Variants in LAMA2 observed in about 807,000 individuals in gnomAD.
The protein encoded by LAMA2 is laminin subunit alpha-2.
LAMA2 carries 269 observed loss-of-function variants against 364.8 expected under a neutral mutation model. That is an observed-to-expected ratio of 0.74 (90% CI 0.67 to 0.82). The LOEUF is 0.82. Ranked by LOEUF, LAMA2 falls within the 40% of genes least tolerant of loss-of-function variation. LAMA2 has a pLI of 0.00. For missense variants in LAMA2, 3,807 were observed against 3,873.2 expected (o/e 0.98, Z 0.45); for synonymous variants, 1,379 against 1,370.6 (o/e 1.01, Z -0.14).
In LAMA2 at chr6:129,160,296, C is replaced by T. The variant is rs1583160448; in HGVS notation, c.1207-5280C>T. Among the ~76,000 whole-genome samples the T allele has an allele frequency of 2.0e-5, 3 of 152,006 alleles. No homozygotes were observed. The South Asian group carries it at 6.2e-4, about 32-fold the overall frequency. On this transcript the variant is annotated intron_variant, in intron 8 of 64. Transcript: ENST00000421865. ...GGTTAGATAGGTTTTGTATTAATAT[C>T]TTTAGGGAGGGTCAATTTTTGATAT...
intron 5 of LAMA2, among the ~76,000 whole-genome samples, chr6:129,146,132 TC>T (rs995839503): frequency 3.9e-5 from 6 of 151,952 alleles, no homozygotes; most frequent in African/African-American, 1.4e-4. Context: ...CAGATATGTG[TC>T]CACCTACATA....
intron 12 of LAMA2, among the ~76,000 whole-genome samples, chr6:129,207,420 GT>G (rs1406675296): frequency 2.6e-5 from 4 of 151,946 alleles, no homozygotes; most frequent in African/African-American, 9.7e-5. Context: ...AAAGATGCTT[GT>G]AATATCAAAA....
chr6:129,125,328 A>G (rs1386063200), intron 4 of LAMA2, among the ~76,000 whole-genome samples: 1 of 152,200 alleles, frequency 6.6e-6, no homozygotes, highest in Admixed American at 6.5e-5. Context: ...TGGAATTCAG[A>G]TGAGAAATGC....
At chr6:129,142,294 A>C (rs1778169371) in intron 4 of LAMA2, among the ~76,000 whole-genome samples, 1 of 151,988 alleles carries the variant, frequency 6.6e-6, no homozygotes, top group Non-Finnish European at 1.5e-5. Flanking sequence ...TGAAAATCTG[A>C]GATCAGGGTG....
At chr6:129,191,934 T>C (rs546123527) in intron 11 of LAMA2, among the ~76,000 whole-genome samples, 1 of 152,302 alleles carries the variant, frequency 6.6e-6, no homozygotes, top group African/African-American at 2.4e-5. Flanking sequence ...AGGCCTGACC[T>C]TGGCTGAAGC....
At position 129,158,551 on chromosome 6, in the gene LAMA2, G is replaced by A. The variant is rs371690628; in HGVS notation, c.1206+3868G>A. 3.8e-5 allele frequency: 61 copies of A among 1,613,972 alleles called. No individual in the cohort carries two copies. The East Asian group carries it at 4.0e-4, about 11-fold the overall frequency. On this transcript the variant is annotated intron_variant, in intron 8 of 64. Transcript: ENST00000421865. ...AATGCTTCATCCTGTTCCAAATCAC[G>A]ATTGTAACGACGTCTGCTTGAGATG...
chr6:129,210,574 AG>A lies in LAMA2; in HGVS notation c.1782+17722del, dbSNP rs368018971. 6.5e-3 allele frequency among the ~76,000 whole-genome samples: 996 copies of A among 152,332 alleles called. 12 individuals carry two copies. Among genetic ancestry groups the A allele is most frequent in the South Asian group, 0.031 (151 of 4,830 alleles). ...AGAATATTGCGTGAGGATTGAAGATAGCTTCAGATTCTAGAAGAGTTTCTAG... is the reference window on the plus strand; with the variant it reads ...AGAATATTGCGTGAGGATTGAAGATACTTCAGATTCTAGAAGAGTTTCTAG... On this transcript the variant is annotated intron_variant, in intron 12 of 64. Transcript: ENST00000421865.
intron 1 of LAMA2, among the ~76,000 whole-genome samples, chr6:128,913,425 T>C (rs1778110442): frequency 6.6e-6 from 1 of 152,236 alleles, no homozygotes; most frequent in African/African-American, 2.4e-5. Flanking sequence ...CACTAACTCC[T>C]CAGGCTTCTG....
At chr6:129,046,837 A>T (rs1787544936) in intron 1 of LAMA2, among the ~76,000 whole-genome samples, 1 of 152,134 alleles carries the variant, frequency 6.6e-6, no homozygotes, top group South Asian at 2.1e-4. Flanking sequence ...CATTTTCCCT[A>T]ACAGATAAAC....
chr6:129,074,853 C>T (rs2114825472), intron 3 of LAMA2, among the ~76,000 whole-genome samples: 1 of 152,270 alleles, frequency 6.6e-6, no homozygotes, highest in South Asian at 2.1e-4. Context: ...CTAAACAAAG[C>T]AGGTGCTATT....
intron 12 of LAMA2, among the ~76,000 whole-genome samples, chr6:129,213,276 C>T (rs1783212458): frequency 6.6e-6 from 1 of 152,120 alleles, no homozygotes; most frequent in South Asian, 2.1e-4. Flanking sequence ...ATCCATTTAC[C>T]TCCTGAAAAA....
chr6:128,961,367 ATTAG>A (rs1486267094), intron 1 of LAMA2, among the ~76,000 whole-genome samples: 1 of 95,134 alleles, frequency 1.1e-5, no homozygotes, highest in Non-Finnish European at 2.1e-5. Flanking sequence ...ATATATATAT[ATTAG>A]TTTATTAAGT....
rs188349502 is a variant in LAMA2, at chr6:128,975,619, G to A, written c.113-74299G>A. Among the ~76,000 whole-genome samples, 45 of 152,252 alleles carry A rather than the reference G, an allele frequency of 3.0e-4. No individual in the cohort carries two copies. In the East Asian group the frequency reaches 7.7e-3, roughly 26 times the overall value. ...CAAGGGTCATGGGAGGGACCTGGAG[G>A]GAGGCAATTCAATCATAGGGGCAGG... On this transcript the variant is annotated intron_variant, in intron 1 of 64. Transcript: ENST00000421865.
chr6:129,177,529 A>T (rs1190706912), intron 9 of LAMA2, among the ~76,000 whole-genome samples, 177 bp from the exon 10 acceptor site: 1 of 152,230 alleles, frequency 6.6e-6, no homozygotes, highest in African/African-American at 2.4e-5. Context: ...TCACGTAATC[A>T]TAGAAAGCTT....
At chr6:129,287,399 G>A (rs1370717038) in intron 18 of LAMA2, among the ~76,000 whole-genome samples, 1 of 152,058 alleles carries the variant, frequency 6.6e-6, no homozygotes, top group African/African-American at 2.4e-5. Context: ...TCTTATTACT[G>A]AATTTCCTTG....
intron 4 of LAMA2, among the ~76,000 whole-genome samples, chr6:129,108,850 T>A (rs141558787): frequency 6.6e-6 from 1 of 152,306 alleles, no homozygotes; most frequent in East Asian, 1.9e-4. Flanking sequence ...GAACAAATAC[T>A]ATAAACACAT....
intron 34 of LAMA2, 58 bp downstream of exon 34, chr6:129,370,048 A>T: frequency 2.9e-6 from 4 of 1,367,490 alleles, no homozygotes; most frequent in African/African-American, 1.4e-5. Flanking sequence ...AATGAAGGAA[A>T]ATTACTTCAA....
chr6:129,108,410 T>C (rs1451855457), intron 4 of LAMA2, among the ~76,000 whole-genome samples: 1 of 152,204 alleles, frequency 6.6e-6, no homozygotes, highest in Non-Finnish European at 1.5e-5. Context: ...TTTTGAGCTT[T>C]TGATGTCTAA....
intron 3 of LAMA2, among the ~76,000 whole-genome samples, chr6:129,062,411 C>T (rs1011127565): frequency 6.6e-6 from 1 of 152,066 alleles, no homozygotes; most frequent in South Asian, 2.1e-4. Flanking sequence ...AAGACATAAT[C>T]CTAGGGAGCT....
Sources: gnomAD v4.1 joint callset for allele counts (sites outside exome capture counted in the v4.1 genomes callset) on GRCh38, gnomAD v4.1.1 for gene constraint, MANE v1.5 for transcripts, NCBI Gene and HGNC (gene_info 2026-07-23, HGNC 2026-07-21) for gene names.